Variants in DIAPH2 observed in about 807,000 individuals in gnomAD.
DIAPH2 encodes diaphanous related formin 2.
In DIAPH2, 35 loss-of-function variants were observed where a neutral mutation model predicts 92.7. The ratio of observed to expected loss-of-function variants is 0.38; its 90% CI spans 0.29 to 0.50. DIAPH2 has a LOEUF of 0.50. Ranked by LOEUF, DIAPH2 falls within the 20% of genes least tolerant of loss-of-function variation. The pLI is 0.94. For missense variants in DIAPH2, 701 were observed against 819.5 expected, an observed-to-expected ratio of 0.86 and a Z score of 1.77; for synonymous variants, 301 against 280.4, an observed-to-expected ratio of 1.07 and a Z score of -0.73.
At chrX:97,092,510 T>C (rs1045243641) in intron 19 of DIAPH2, among the ~76,000 whole-genome samples, 2 of 112,539 alleles carry the variant, frequency 1.8e-5, no homozygotes, top group African/African-American at 3.2e-5. Flanking sequence ...ATGTCCAGGG[T>C]ATTATGGATG....
intron 25 of DIAPH2, among the ~76,000 whole-genome samples, chrX:97,406,472 T>C (rs2069810824): frequency 8.9e-6 from 1 of 112,124 alleles, no homozygotes; most frequent in African/African-American, 3.2e-5. Context: ...AAAACAAATA[T>C]AATGACATTT....
intron 17 of DIAPH2, among the ~76,000 whole-genome samples, chrX:97,061,732 T>G (rs1293906281): frequency 9.5e-6 from 1 of 104,999 alleles, no homozygotes; most frequent in African/African-American, 3.5e-5. Flanking sequence ...GAGAATTGCT[T>G]GAACCCAGGA....
intron 14 of DIAPH2, among the ~76,000 whole-genome samples, chrX:96,946,083 A>G (rs1481309813): frequency 1.8e-5 from 2 of 111,399 alleles, no homozygotes; most frequent in Non-Finnish European, 3.8e-5. Context: ...TTTGAATTTC[A>G]TAATTATCAT....
chrX:97,145,869 T>A (rs1255795239), intron 22 of DIAPH2, among the ~76,000 whole-genome samples: 2 of 110,268 alleles, frequency 1.8e-5, no homozygotes, highest in Non-Finnish European at 3.8e-5. Flanking sequence ...CCATTTTTAT[T>A]CCTTTATAAT....
chrX:97,204,228 C>T (rs1288962131), intron 22 of DIAPH2, among the ~76,000 whole-genome samples: 1 of 111,792 alleles, frequency 8.9e-6, no homozygotes, highest in Admixed American at 9.5e-5. Context: ...ACTGAATGGG[C>T]AATAGCTGGA....
Position 97,112,765 on chromosome X carries a change from C to CTTTTTTTTTTTTT in DIAPH2, c.2350-1943_2350-1931dup, listed in dbSNP as rs60721723. ...CTTCCTTCCTTCTTTCCCTTTCTTT[C>CTTTTTTTTTTTTT]TTTTTTTTTTTTTTTTTTTTTTTTT... On this transcript the variant is annotated intron_variant, in intron 20 of 26. Coordinates refer to ENST00000324765, the MANE Select transcript of DIAPH2 (RefSeq NM_006729.5). Among the ~76,000 whole-genome samples the CTTTTTTTTTTTTT allele has an allele frequency of 3.2e-4, 12 of 37,245 alleles. 1 individual carries two copies. The highest frequency in any genetic ancestry group is 1.5e-3 in the African/African-American group (12 of 8,247). 32.3% of individuals were successfully genotyped at this position (37,245 alleles called of 115,157 possible). A position where few individuals can be genotyped will look rare whatever the true frequency, so the allele number is the denominator to read the frequency against.
chrX:97,155,273 C>T (rs1384971998), intron 22 of DIAPH2, among the ~76,000 whole-genome samples: 2 of 110,999 alleles, frequency 1.8e-5, no homozygotes, highest in Non-Finnish European at 3.8e-5. Context: ...GAGGGTGAGG[C>T]GGGTGGATCA....
chrX:97,177,760 C>G (rs1477494743), intron 22 of DIAPH2, among the ~76,000 whole-genome samples: 1 of 106,587 alleles, frequency 9.4e-6, no homozygotes, highest in Non-Finnish European at 1.9e-5. Flanking sequence ...TCTTCCTGGT[C>G]TATTGAATAA....
chrX:97,572,988 C>T (rs2071378998), intron 26 of DIAPH2, among the ~76,000 whole-genome samples: 1 of 112,022 alleles, frequency 8.9e-6, no homozygotes, highest in Non-Finnish European at 1.9e-5. Context: ...AACATATCTT[C>T]GTAGTCATTT....
At chrX:97,395,719 A>C (rs2069698338) in intron 25 of DIAPH2, among the ~76,000 whole-genome samples, 1 of 112,470 alleles carries the variant, frequency 8.9e-6, no homozygotes, top group East Asian at 2.8e-4. Context: ...GCAGTAAAAC[A>C]AATTTCTACA....
chrX:97,309,287 C>CGGG (rs2068774378), intron 23 of DIAPH2, among the ~76,000 whole-genome samples: 1 of 109,268 alleles, frequency 9.2e-6, no homozygotes, highest in African/African-American at 3.3e-5. Context: ...TTAGTAGAGA[C>CGGG]GGGGTTTCAC....
chrX:97,398,441 G>A (rs930928421), intron 25 of DIAPH2, among the ~76,000 whole-genome samples: 1 of 110,987 alleles, frequency 9.0e-6, no homozygotes, highest in Non-Finnish European at 1.9e-5. Flanking sequence ...AGCTCCTGTG[G>A]CTAAAGCATG....
At chrX:97,507,319 A>G (rs757128057) in intron 26 of DIAPH2, among the ~76,000 whole-genome samples, 5 of 110,748 alleles carry the variant, frequency 4.5e-5, no homozygotes, top group Non-Finnish European at 9.4e-5. Context: ...ATCATCCAAT[A>G]TTATATAATA....
At chrX:96,818,776 TA>T (rs756908380) in intron 4 of DIAPH2, among the ~76,000 whole-genome samples, 4 of 112,328 alleles carry the variant, frequency 3.6e-5, no homozygotes, top group Non-Finnish European at 7.5e-5. Flanking sequence ...AAACTAGTCT[TA>T]AAAAAAATCT....
chrX:96,862,423 C>T (rs762184246), intron 4 of DIAPH2, among the ~76,000 whole-genome samples: 1 of 111,877 alleles, frequency 8.9e-6, no homozygotes, highest in East Asian at 2.8e-4. Context: ...TGACACCTCA[C>T]TGAGATTAAT....
In DIAPH2 at chrX:97,034,773, A is replaced by G. The variant is rs139502958; in HGVS notation, c.2051-38168A>G. Reference sequence around the variant, plus strand: ...TTACTTAATTTTTTTAAAAGTGTGTATGTGTGGATTGGATACAGTAATCTA... The same window carrying G: ...TTACTTAATTTTTTTAAAAGTGTGTGTGTGTGGATTGGATACAGTAATCTA... On this transcript the variant is annotated intron_variant, in intron 17 of 26. Transcript: ENST00000324765. 6.2e-3 allele frequency among the ~76,000 whole-genome samples: 694 copies of G among 111,213 alleles called. 5 individuals carry two copies. The highest frequency in any genetic ancestry group is 0.022 in the African/African-American group (669 of 30,656).
intron 23 of DIAPH2, among the ~76,000 whole-genome samples, chrX:97,327,471 C>T (rs779462666): frequency 4.7e-5 from 5 of 106,351 alleles, no homozygotes; most frequent in South Asian, 8.5e-4. Context: ...CTCGCTCTGT[C>T]GCCCAGGCTG....
At chrX:97,140,362 G>A (rs1390972489) in intron 21 of DIAPH2, among the ~76,000 whole-genome samples, 1 of 111,412 alleles carries the variant, frequency 9.0e-6, no homozygotes, top group Non-Finnish European at 1.9e-5. Context: ...TGCCCTTGAG[G>A]TTTGTGTTGC....
chrX:96,732,318 A>C (rs2064060880), intron 1 of DIAPH2, among the ~76,000 whole-genome samples: 1 of 112,242 alleles, frequency 8.9e-6, no homozygotes, highest in Non-Finnish European at 1.9e-5. Flanking sequence ...ATTTCAATGC[A>C]TGTTTAATGT....
Sources: allele counts gnomAD v4.1 joint callset (sites outside exome capture counted in the v4.1 genomes callset), GRCh38; gene constraint gnomAD v4.1.1; transcripts MANE v1.5; gene names NCBI Gene and HGNC (gene_info 2026-07-23, HGNC 2026-07-21).